The following AFG2A variants were observed in gnomAD, a reference collection of about 807,000 sequenced individuals.
AFG2A encodes the protein AAA ATPase AFG2A.
At chr4:123,107,352 GAAC>G in the AFG2A span, among the ~76,000 whole-genome samples, 1 of 152,194 alleles carries the variant, frequency 6.6e-6, no homozygotes, top group East Asian at 1.9e-4. Flanking sequence ...GACTTTAATT[GAAC>G]AACAGAACAG....
At chr4:123,091,165 G>C in the AFG2A span, among the ~76,000 whole-genome samples, 6 of 152,198 alleles carry the variant, frequency 3.9e-5, no homozygotes, top group Non-Finnish European at 8.8e-5. Context: ...AACCTGGGCT[G>C]TTCCAGCCGG....
At chr4:123,312,094 A>G in the AFG2A span, among the ~76,000 whole-genome samples, 4 of 152,214 alleles carry the variant, frequency 2.6e-5, no homozygotes, top group African/African-American at 9.6e-5. Context: ...ATGTGTTTCC[A>G]TCAGACTTTA....
chr4:123,088,510 GA>G, the AFG2A span, among the ~76,000 whole-genome samples: 1 of 152,158 alleles, frequency 6.6e-6, no homozygotes, highest in East Asian at 1.9e-4. Flanking sequence ...ATATTATGGA[GA>G]ATCTTTTGAA....
chr4:123,302,580 CTT>C, the AFG2A span, among the ~76,000 whole-genome samples: 8 of 148,948 alleles, frequency 5.4e-5, no homozygotes, highest in Admixed American at 1.3e-4. Flanking sequence ...AGCAGGAGAC[CTT>C]TTTTTTTTTG....
At chr4:123,057,984 G>A in the AFG2A span, among the ~76,000 whole-genome samples, 1 of 152,132 alleles carries the variant, frequency 6.6e-6, no homozygotes, top group Non-Finnish European at 1.5e-5. Context: ...TTTGCTGGTG[G>A]TAATTACAGT....
chr4:122,996,130 T>A, the AFG2A span, among the ~76,000 whole-genome samples: 1 of 152,338 alleles, frequency 6.6e-6, no homozygotes, highest in South Asian at 2.1e-4. Flanking sequence ...TCCACTTGCA[T>A]CTCACTTTAT....
At chr4:122,969,008 T>C in the AFG2A span, among the ~76,000 whole-genome samples, 3,305 of 152,198 alleles carry the variant, frequency 0.022, 105 homozygotes, top group South Asian at 0.11. Context: ...TAATATAGCT[T>C]AGTTGTGAGA....
chr4:123,127,756 T>A, the AFG2A span, among the ~76,000 whole-genome samples: 1 of 152,162 alleles, frequency 6.6e-6, no homozygotes, highest in Admixed American at 6.5e-5. Flanking sequence ...TATTTTCCCC[T>A]ATGAACTTGA....
chr4:123,133,489 C>T, the AFG2A span, among the ~76,000 whole-genome samples: 11 of 148,130 alleles, frequency 7.4e-5, no homozygotes, highest in South Asian at 2.1e-4. Context: ...TAGGCGTGTG[C>T]GTGTGTGTGT....
At chr4:123,273,651 T>C in the AFG2A span, among the ~76,000 whole-genome samples, 1 of 152,316 alleles carries the variant, frequency 6.6e-6, no homozygotes, top group African/African-American at 2.4e-5. Flanking sequence ...ACGGGCATGA[T>C]GCCTCAAGTG....
At chr4:123,161,389 G>A in the AFG2A span, among the ~76,000 whole-genome samples, 346 of 152,230 alleles carry the variant, frequency 2.3e-3, 1 homozygote, top group African/African-American at 8.0e-3. Context: ...AGGATATACC[G>A]CATCCAGCAG....
chr4:122,954,472 G>A, the AFG2A span, among the ~76,000 whole-genome samples: 1 of 152,184 alleles, frequency 6.6e-6, no homozygotes, highest in Non-Finnish European at 1.5e-5. Flanking sequence ...ACCTCTATGG[G>A]CTTATCCCAG....
At chr4:123,156,344 C>T in the AFG2A span, among the ~76,000 whole-genome samples, 1 of 152,092 alleles carries the variant, frequency 6.6e-6, no homozygotes, top group East Asian at 1.9e-4. Flanking sequence ...GTCTAGGCTT[C>T]ACATTACGTA....
chr4:123,155,259 AT>A, the AFG2A span, among the ~76,000 whole-genome samples: 1 of 151,844 alleles, frequency 6.6e-6, no homozygotes, highest in African/African-American at 2.4e-5. Flanking sequence ...TAAGTTTTAT[AT>A]TTTTATAGAG....
chr4:123,250,814 T>C, the AFG2A span, among the ~76,000 whole-genome samples: 26 of 152,096 alleles, frequency 1.7e-4, no homozygotes, highest in African/African-American at 5.1e-4. Context: ...TTTCATTGAG[T>C]TGTCATATAG....
At chr4:123,125,643 G>C in the AFG2A span, among the ~76,000 whole-genome samples, 1 of 152,068 alleles carries the variant, frequency 6.6e-6, no homozygotes, top group Non-Finnish European at 1.5e-5. Flanking sequence ...CCTGTATCTT[G>C]AAACCCTGTA....
the AFG2A span, among the ~76,000 whole-genome samples, chr4:123,289,909 A>C: frequency 1.3e-5 from 2 of 152,054 alleles, no homozygotes; most frequent in African/African-American, 4.8e-5. Flanking sequence ...TGTGCAGGTT[A>C]CATAGGTAAA....
At chr4:123,225,990 A>C in the AFG2A span, among the ~76,000 whole-genome samples, 2 of 152,102 alleles carry the variant, frequency 1.3e-5, no homozygotes, top group African/African-American at 4.8e-5. Flanking sequence ...ATGGGAGTTC[A>C]CTCATGATTT....
chr4:122,943,632 T>G, the AFG2A span, among the ~76,000 whole-genome samples: 39 of 152,138 alleles, frequency 2.6e-4, no homozygotes, highest in African/African-American at 9.2e-4. Context: ...TTAGTCCATT[T>G]ACATTTAAAG....
Sources: allele counts gnomAD v4.1 joint callset (sites outside exome capture counted in the v4.1 genomes callset), GRCh38; gene constraint gnomAD v4.1.1; transcripts MANE v1.5; gene names NCBI Gene and HGNC (gene_info 2026-07-23, HGNC 2026-07-21).